Variants in TENM4 observed in about 807,000 individuals in gnomAD.
TENM4 encodes teneurin-4.
Under a neutral mutation model 243.3 loss-of-function variants are expected in TENM4, and 82 were observed. The ratio of observed to expected loss-of-function variants is 0.34; its 90% confidence interval spans 0.28 to 0.40. The LOEUF is 0.40. Among genes scored for constraint, TENM4 ranks in the 10% least tolerant of loss-of-function variants. The pLI is 1.00. For missense variants in TENM4, 3,138 were observed against 3,673.3 expected, an observed-to-expected ratio of 0.85 and a Z score of 3.77; for synonymous variants, 1,412 against 1,456.3, an observed-to-expected ratio of 0.97 and a Z score of 0.69.
chr11:78,688,798 G>GCAACC (rs1454588046), intron 28 of TENM4, among the ~76,000 whole-genome samples: 1 of 152,144 alleles, frequency 6.6e-6, no homozygotes, highest in Non-Finnish European at 1.5e-5. Context: ...CTTGCCTCTT[G>GCAACC]CAACCCCTTC....
intron 1 of TENM4, among the ~76,000 whole-genome samples, chr11:79,394,540 C>T (rs1224744755): frequency 1.3e-5 from 2 of 152,158 alleles, no homozygotes; most frequent in Admixed American, 1.3e-4. Flanking sequence ...TCGCATGACC[C>T]ATAAAACACC....
chr11:79,164,080 ATATATACTATGTATATATAG>A (rs1565230832), intron 3 of TENM4, among the ~76,000 whole-genome samples: 1 of 30,374 alleles, frequency 3.3e-5, no homozygotes, highest in African/African-American at 1.0e-4. Flanking sequence ...TATATACACT[ATATATACTATGTATATATAG>A]TATATATACA....
At chr11:78,675,411 A>T (rs1858442860) in intron 30 of TENM4, among the ~76,000 whole-genome samples, 1 of 152,168 alleles carries the variant, frequency 6.6e-6, no homozygotes, top group South Asian at 2.1e-4. Context: ...CATGGTGTGC[A>T]AGGTGCTGTG....
Position 79,381,051 on chromosome 11 carries a change from T to G in TENM4, c.-321+59458A>C, listed in dbSNP as rs903243017. ...GAGCCTAGAACACAACAGGCCTCTC[T>G]AGATCCTCCGAGGCCTCTGGCAGGC... On this transcript the variant is annotated intron_variant, in intron 1 of 33. Transcript: ENST00000278550. Among the ~76,000 whole-genome samples the G allele has an allele frequency of 4.6e-5, 7 of 152,168 alleles. No individual in the cohort carries two copies. The South Asian group carries it at 6.2e-4, about 14-fold the overall frequency.
At chr11:79,152,523 G>T (rs1227568495) in intron 3 of TENM4, among the ~76,000 whole-genome samples, 2 of 152,204 alleles carry the variant, frequency 1.3e-5, no homozygotes, top group Admixed American at 6.5e-5. Context: ...TATCATGGCT[G>T]TAATTTACAG....
At chr11:79,347,375 C>T (rs575114590) in intron 1 of TENM4, among the ~76,000 whole-genome samples, 2 of 152,302 alleles carry the variant, frequency 1.3e-5, no homozygotes, top group East Asian at 1.9e-4. Context: ...ATTCAAGGAA[C>T]TCCTAATAGG....
intron 3 of TENM4, among the ~76,000 whole-genome samples, chr11:79,194,052 T>C (rs1863571527): frequency 6.6e-6 from 1 of 152,016 alleles, no homozygotes; most frequent in South Asian, 2.1e-4. Flanking sequence ...GGCCGGTCTT[T>C]CCTGTGCTAT....
At chr11:78,720,247 A>C (rs992707327) in intron 25 of TENM4, 123 bp downstream of exon 25, 1 of 1,144,756 alleles carries the variant, frequency 8.7e-7, no homozygotes, top group African/African-American at 1.5e-5. Flanking sequence ...TGATTACCCC[A>C]ATCAGTTCCA....
At chr11:78,836,865 T>G (rs1858128475) in intron 12 of TENM4, among the ~76,000 whole-genome samples, 1 of 152,198 alleles carries the variant, frequency 6.6e-6, no homozygotes, top group Non-Finnish European at 1.5e-5. Flanking sequence ...TGGAAATATT[T>G]AAAATATTTA....
At chr11:78,800,741 G>T (rs1026276411) in intron 15 of TENM4, among the ~76,000 whole-genome samples, 22 of 145,360 alleles carry the variant, frequency 1.5e-4, no homozygotes, top group African/African-American at 5.9e-4. Flanking sequence ...ACAGGGGAGA[G>T]AGAGAGAGAG....
At chr11:79,059,054 T>C (rs1219542720) in intron 6 of TENM4, among the ~76,000 whole-genome samples, 5 of 152,188 alleles carry the variant, frequency 3.3e-5, no homozygotes, top group African/African-American at 1.2e-4. Context: ...TCACTGTGCT[T>C]TGGAGATGCT....
chr11:79,395,736 A>C (rs188870585), intron 1 of TENM4, among the ~76,000 whole-genome samples: 1 of 151,902 alleles, frequency 6.6e-6, no homozygotes, highest in African/African-American at 2.4e-5. Flanking sequence ...TTTCATACTC[A>C]CTCCAATAAC....
At chr11:79,363,314 C>G (rs550647578) in intron 1 of TENM4, among the ~76,000 whole-genome samples, 1 of 152,222 alleles carries the variant, frequency 6.6e-6, no homozygotes, top group Non-Finnish European at 1.5e-5. Flanking sequence ...CTGCCCAATT[C>G]CTACAGGCAT....
At chr11:79,081,860 G>A (rs1316830140) in intron 4 of TENM4, among the ~76,000 whole-genome samples, 2 of 152,082 alleles carry the variant, frequency 1.3e-5, no homozygotes, top group African/African-American at 2.4e-5. Flanking sequence ...CTCAACTCGT[G>A]ATGACTGAAG....
chr11:79,403,426 G>A (rs545046973), intron 1 of TENM4, among the ~76,000 whole-genome samples: 1 of 151,922 alleles, frequency 6.6e-6, no homozygotes, highest in East Asian at 1.9e-4. Context: ...GGTAGTCAGA[G>A]AAGGCACTGA....
intron 3 of TENM4, among the ~76,000 whole-genome samples, chr11:79,206,711 C>T (rs1271291919): frequency 6.6e-6 from 1 of 152,200 alleles, no homozygotes; most frequent in East Asian, 1.9e-4. Context: ...TCTCTTGCCA[C>T]TGCCATGTTA....
chr11:79,252,287 T>A (rs1855624786), intron 2 of TENM4, among the ~76,000 whole-genome samples: 2 of 152,328 alleles, frequency 1.3e-5, no homozygotes, highest in South Asian at 2.1e-4. Flanking sequence ...CAGGCTGGAG[T>A]GCAGTGGCGC....
rs1028709832 is a variant in TENM4, at chr11:79,440,307, A to G, written c.-321+202T>C. Among the ~76,000 whole-genome samples, 2 of 151,976 alleles carry G rather than the reference A, an allele frequency of 1.3e-5. No individual in the cohort carries two copies. The highest frequency in any genetic ancestry group is 4.8e-5 in the African/African-American group (2 of 41,400). On this transcript the variant is annotated intron_variant, in intron 1 of 33. Transcript: ENST00000278550. The surrounding 1 kb of genome is among the most constrained non-coding windows in gnomAD (Gnocchi z 4.7). ...GGCTGCGGCGGCTCCAGGCTCCAGA[A>G]CAGCTTGCCTCTTCGGCCACCCGCG...
intron 6 of TENM4, among the ~76,000 whole-genome samples, chr11:78,979,767 A>G (rs1857750771): frequency 6.6e-6 from 1 of 152,162 alleles, no homozygotes. Flanking sequence ...TTCACATCCT[A>G]TAAAGGCTTC....
Sources: allele counts gnomAD v4.1 joint callset (sites outside exome capture counted in the v4.1 genomes callset), GRCh38; gene constraint gnomAD v4.1.1; non-coding constraint Gnocchi (gnomAD v3.1); transcripts MANE v1.5; gene names NCBI Gene and HGNC (gene_info 2026-07-23, HGNC 2026-07-21).